The following CHERP variants were observed in gnomAD, a reference collection of about 807,000 sequenced individuals.
The protein encoded by CHERP is ERPROT 213-21.
In CHERP, 8 loss-of-function variants were observed where a neutral mutation model predicts 113.8. The ratio of observed to expected loss-of-function variants is 0.07; its 90% CI spans 0.04 to 0.13. The LOEUF (loss-of-function observed/expected upper bound fraction) is 0.13, where lower values mean the gene tolerates loss of function less well. Ranked by LOEUF, CHERP falls within the 10% of genes least tolerant of loss-of-function variation. The pLI is 1.00. For synonymous variants in CHERP, 559 were observed against 524.5 expected (o/e 1.07, Z -0.90); for missense variants, 884 against 1,298.2 (o/e 0.68, Z 4.90).
intron 9 of CHERP, among the ~76,000 whole-genome samples, chr19:16,527,374 C>T (rs565589444): frequency 6.6e-6 from 1 of 152,200 alleles, no homozygotes; most frequent in Non-Finnish European, 1.5e-5. Context: ...ATGGGAGGCT[C>T]AAAGCCACAA....
In CHERP at chr19:16,521,547, G is replaced by A. The variant is rs748341045; in HGVS notation, c.2088C>T (p.Pro696=). The A allele has an allele frequency of 1.9e-6, 3 of 1,602,366 alleles. No individual in the cohort carries two copies. The highest frequency in any genetic ancestry group is 2.6e-6 in the Non-Finnish European group (3 of 1,176,202). The change falls in exon 12 of 17, where the codon CCC becomes CCT. Residue 696 remains proline (P), a synonymous_variant. Transcript: ENST00000546361. ...TGTTCCTGGGCCTGTCGTGGGACGG[G>A]GGGCTGTAGAAGGCCTCCACTGCAG... ...LLAAVEAFYS[P]PSHDRPRNSE... is the part of the protein sequence containing the mutation.
At chr19:16,521,171 T>C in intron 12 of CHERP, 1 of 584,674 alleles carries the variant, frequency 1.7e-6, no homozygotes, top group Non-Finnish European at 3.1e-6. Flanking sequence ...TCTGTGGAAC[T>C]GGGAAACAGG....
At chr19:16,521,980 G>A (rs567006107) in intron 11 of CHERP, among the ~76,000 whole-genome samples, 124 of 152,322 alleles carry the variant, frequency 8.1e-4, no homozygotes, top group Non-Finnish European at 1.5e-3. Flanking sequence ...GGCCCCTCAC[G>A]TCACCCTTTG....
rs367731078 is a variant in CHERP at position 16,522,260 on chromosome 19, ACCC to A, written c.1981-609_1981-607del. ...CCAAGCCCCGGCCCTGGCCTCCCCA[ACCC>A]CCCCTTTTTTTTTTTGAGACGGAGT... On this transcript the variant is annotated intron_variant, in intron 11 of 16. Coordinates refer to ENST00000546361, the MANE Select transcript of CHERP (RefSeq NM_006387.6). Among the ~76,000 whole-genome samples, 198 of 144,204 alleles carry A rather than the reference ACCC, an allele frequency of 1.4e-3. 3 individuals are homozygous for A. The South Asian group carries it at 0.042, about 31-fold the overall frequency. 94.6% of individuals were successfully genotyped at this position (144,204 alleles called of 152,430 possible). A position where few individuals can be genotyped will look rare whatever the true frequency, so the allele number is the denominator to read the frequency against.
Position 16,525,798 on chromosome 19 carries a change from T to C in CHERP, c.1306-121A>G, listed in dbSNP as rs910876304. 25 of 893,120 alleles carry C rather than the reference T, an allele frequency of 2.8e-5. No individual in the cohort carries two copies. Among genetic ancestry groups the C allele is most frequent in the Non-Finnish European group, 3.7e-5 (23 of 625,404 alleles). 55.3% of individuals were successfully genotyped at this position (893,120 alleles called of 1,614,324 possible). On this transcript the variant is annotated intron_variant, in intron 9 of 16. Transcript: ENST00000546361. This position sits in a 1 kb window ranked among gnomAD's most constrained non-coding sequence, Gnocchi z 6.5. Reference sequence around the variant, plus strand: ...CCATGGAGGCGCTGCCCTGGCCACGTTGAGGCGCCTCCTACGCTGACGCCT... The same window carrying C: ...CCATGGAGGCGCTGCCCTGGCCACGCTGAGGCGCCTCCTACGCTGACGCCT...
chr19:16,523,079 A>C lies in CHERP; in HGVS notation c.1953T>G (p.Pro651=), dbSNP rs1568505381. 1 of 1,527,132 alleles carries C rather than the reference A, an allele frequency of 6.5e-7. No homozygotes were observed. Among genetic ancestry groups the C allele is most frequent in the Non-Finnish European group, 8.8e-7 (1 of 1,140,828 alleles). 94.6% of individuals were successfully genotyped at this position (1,527,132 alleles called of 1,614,324 possible). Residue 651 remains proline, a synonymous_variant, in exon 11 of 17, where the codon CCT becomes CCG. Transcript: ENST00000546361. This position sits in a 1 kb window ranked among gnomAD's most constrained non-coding sequence, Gnocchi z 4.0. The part of the protein sequence containing the change: ...LVPNVPYFDL[P]AGLMAPLVKL... ...TCACGAGGGGGGCCATCAGCCCAGCAGGGAGATCGAAGTAGGGCACATTGG... is the reference window on the plus strand; with the variant it reads ...TCACGAGGGGGGCCATCAGCCCAGCCGGGAGATCGAAGTAGGGCACATTGG...
In CHERP at chr19:16,535,241, C is replaced by T. The variant is rs1221294944; in HGVS notation, c.384+211G>A. On this transcript the variant is annotated intron_variant, in intron 3 of 16. Transcript: ENST00000546361. This position sits in a 1 kb window ranked among gnomAD's most constrained non-coding sequence, Gnocchi z 4.3. ...GGGGTCCACCCCAGGGTGATGGGTG[C>T]ACGCACGTCCAGTGGCTTCACTGAG... is the stretch of plus-strand genomic sequence containing the variant. Among the ~76,000 whole-genome samples the T allele has an allele frequency of 6.6e-6, 1 of 152,246 alleles. No homozygotes were observed. Among genetic ancestry groups the T allele is most frequent in the Non-Finnish European group, 1.5e-5 (1 of 68,030 alleles).
At chr19:16,538,057 T>C (rs1398030347) in intron 2 of CHERP, among the ~76,000 whole-genome samples, 1 of 152,184 alleles carries the variant, frequency 6.6e-6, no homozygotes, top group Non-Finnish European at 1.5e-5. Flanking sequence ...CTGGCTGTAC[T>C]GTGGCTAACC....
rs1167413410 is a variant in CHERP at position 16,523,580 on chromosome 19, T to C, written c.1742-290A>G. 6.6e-6 allele frequency among the ~76,000 whole-genome samples: 1 copy of C among 152,130 alleles called. No individual in the cohort carries two copies. The highest frequency in any genetic ancestry group is 1.5e-5 in the Non-Finnish European group (1 of 68,022). ...GCTAAGTTGTGACCCTCCGAATCCA[T>C]ACGCTGAGGTCCCAGCCCCCAGTAG... On this transcript the variant is annotated intron_variant, in intron 10 of 16. Transcript: ENST00000546361. The surrounding 1 kb of genome is among the most constrained non-coding windows in gnomAD (Gnocchi z 4.0).
chr19:16,524,587 A>G (rs2085644009), intron 10 of CHERP, among the ~76,000 whole-genome samples: 1 of 151,822 alleles, frequency 6.6e-6, no homozygotes, highest in African/African-American at 2.4e-5. Flanking sequence ...AAGATTAGAA[A>G]TAAAATCAAT....
chr19:16,537,005 C>A (rs1408072651), intron 2 of CHERP, among the ~76,000 whole-genome samples: 1 of 152,086 alleles, frequency 6.6e-6, no homozygotes, highest in Non-Finnish European at 1.5e-5. Context: ...GAGTGAGACT[C>A]CATCTCAAAA....
At chr19:16,522,963 A>G in intron 11 of CHERP, 89 bp downstream of exon 11, 1 of 1,428,972 alleles carries the variant, frequency 7.0e-7, no homozygotes, top group Non-Finnish European at 9.3e-7. Flanking sequence ...CCCGGAAGGC[A>G]CCCGGTCCCG....
chr19:16,531,561 G>A (rs1162126243), intron 5 of CHERP, among the ~76,000 whole-genome samples: 2 of 152,228 alleles, frequency 1.3e-5, no homozygotes, highest in Non-Finnish European at 1.5e-5. Context: ...TCAGCTTGCC[G>A]CAGGGGGCTC....
rs371270066 is a variant in CHERP, at chr19:16,519,689, G to A, written c.2489C>T (p.Ser830Leu). Reference sequence around the variant, plus strand: ...CCTTGAGTCAGGGATGGGAGGCGCCGAATTAGAACCCAGACCAGCAGAGGA... The same window carrying A: ...CCTTGAGTCAGGGATGGGAGGCGCCAAATTAGAACCCAGACCAGCAGAGGA... Reference protein sequence around the residue: ...PPSSAGLGSNSAPPIPDSRLG... With the variant: ...PPSSAGLGSNLAPPIPDSRLG... Residue 830 changes from serine (S) to leucine (L), a missense_variant, in exon 16 of 17, where the codon TCG becomes TTG. By Grantham distance (145) the Ser-to-Leu change is moderately radical. Coordinates refer to ENST00000546361, the MANE Select transcript of CHERP (RefSeq NM_006387.6). The surrounding 1 kb of genome is among the most constrained non-coding windows in gnomAD (Gnocchi z 6.0). 55 of 1,613,904 alleles carry A rather than the reference G, an allele frequency of 3.4e-5. No individual in the cohort carries two copies. The South Asian group carries it at 4.1e-4, about 12-fold the overall frequency.
intron 2 of CHERP, 184 bp downstream of exon 2, chr19:16,541,686 C>T (rs765517143): frequency 1.5e-5 from 9 of 605,934 alleles, no homozygotes; most frequent in Non-Finnish European, 2.0e-5. Context: ...TTCTCCATTA[C>T]AGTGGCACCC....
chr19:16,531,859 A>G (rs867127066), intron 5 of CHERP: 1 of 151,824 alleles, frequency 6.6e-6, no homozygotes, highest in South Asian at 2.1e-4. Flanking sequence ...AGCCTGGCCC[A>G]CTGTAGAGGC....
At position 16,525,183 on chromosome 19, in the gene CHERP, C is replaced by G. The variant is rs907894631; in HGVS notation, c.1741+59G>C. On this transcript the variant is annotated intron_variant, in intron 10 of 16. Coordinates refer to ENST00000546361, the MANE Select transcript of CHERP (RefSeq NM_006387.6). This position sits in a 1 kb window ranked among gnomAD's most constrained non-coding sequence, Gnocchi z 6.5. ...GGCCACAAGCAGCGCCACCAGCCTG[C>G]TCGGCAGGCGAGCCGTGGATGCCTC... The G allele has an allele frequency of 2.2e-6, 3 of 1,369,364 alleles. No homozygotes were observed. The African/African-American group carries it at 4.6e-5, about 21-fold the overall frequency. The allele number at this position is 1,369,364 out of a possible 1,614,324, so 84.8% of individuals were successfully genotyped here.
At chr19:16,522,485 TCCTGA>T (rs1341486698) in intron 11 of CHERP, among the ~76,000 whole-genome samples, 1 of 152,122 alleles carries the variant, frequency 6.6e-6, no homozygotes, top group Non-Finnish European at 1.5e-5. Flanking sequence ...GGTCTCGATC[TCCTGA>T]CCTCGTGATC....
At position 16,530,708 on chromosome 19, in the gene CHERP, G is replaced by C; in HGVS notation, c.787-34C>G. ...GGGAGGAGAGAGAGGCCGGGTCAGT[G>C]GGGAGGGGAAAGGCCTGTGTGTCCC... is the stretch of plus-strand genomic sequence containing the variant. On this transcript the variant is annotated intron_variant, in intron 6 of 16. Coordinates refer to ENST00000546361, the MANE Select transcript of CHERP (RefSeq NM_006387.6). The surrounding 1 kb of genome is among the most constrained non-coding windows in gnomAD (Gnocchi z 4.1). 1 of 1,613,958 alleles carries C rather than the reference G, an allele frequency of 6.2e-7. No individual in the cohort carries two copies. Among genetic ancestry groups the C allele is most frequent in the Non-Finnish European group, 8.5e-7 (1 of 1,179,878 alleles).
Sources: allele counts gnomAD v4.1 joint callset (sites outside exome capture counted in the v4.1 genomes callset), GRCh38; gene constraint gnomAD v4.1.1; non-coding constraint Gnocchi (gnomAD v3.1); transcripts MANE v1.5; gene names NCBI Gene and HGNC (gene_info 2026-07-23, HGNC 2026-07-21).